Variants in DLGAP1 observed in about 807,000 individuals in gnomAD.
DLGAP1 encodes the protein DLG associated protein 1.
A neutral mutation model predicts 90.8 loss-of-function variants in DLGAP1; 11 were observed. That is an observed-to-expected ratio of 0.12 (90% CI 0.08 to 0.20). The LOEUF (loss-of-function observed/expected upper bound fraction) is 0.20. Among genes scored for constraint, DLGAP1 ranks in the 10% least tolerant of loss-of-function variants. The probability of loss-of-function intolerance (pLI) is 1.00; values close to 1 mark genes in which losing one functional copy is unlikely to be tolerated. For missense variants in DLGAP1, 1,050 were observed against 1,333.8 expected, an observed-to-expected ratio of 0.79 and a Z score of 3.31; for synonymous variants, 558 against 540.7, an observed-to-expected ratio of 1.03 and a Z score of -0.44.
intron 7 of DLGAP1, among the ~76,000 whole-genome samples, chr18:3,718,270 C>A (rs1007032735): frequency 6.6e-6 from 1 of 151,754 alleles, no homozygotes; most frequent in Non-Finnish European, 1.5e-5. Flanking sequence ...ACCAGCCTGG[C>A]CAAGATGGTG....
rs192904868 is a variant in DLGAP1 at position 3,920,251 on chromosome 18, G to A, written c.-72-40111C>T. Among the ~76,000 whole-genome samples, 7 of 150,430 alleles carry A rather than the reference G, an allele frequency of 4.7e-5. No individual in the cohort carries two copies. In the East Asian group the frequency reaches 6.0e-4, roughly 13 times the overall value. On this transcript the variant is annotated intron_variant, in intron 3 of 12. Coordinates refer to ENST00000315677, the MANE Select transcript of DLGAP1 (RefSeq NM_004746.4). ...CTAGCTACTCAGGAGGCTGAGGCAC[G>A]AGAATCGCTTGAACCTGGGAAGCAG...
At chr18:3,535,719 A>G (rs1471386134) in intron 9 of DLGAP1, among the ~76,000 whole-genome samples, 1 of 148,500 alleles carries the variant, frequency 6.7e-6, no homozygotes, top group African/African-American at 2.5e-5. Context: ...AAAAAAAAAA[A>G]GAAGAAAAGA....
rs553727326 is a variant in DLGAP1 at position 3,708,066 on chromosome 18, C to T, written c.1591+21069G>A. 6.7e-5 allele frequency among the ~76,000 whole-genome samples: 10 copies of T among 150,314 alleles called. No individual in the cohort carries two copies. In the South Asian group the frequency reaches 8.4e-4, roughly 13 times the overall value. ...TGTCACCCAGGCTGGAGTGCAGTGG[C>T]GTGACCCCAGCTCACTGCAACCTCC... On this transcript the variant is annotated intron_variant, in intron 7 of 12. Coordinates refer to ENST00000315677, the MANE Select transcript of DLGAP1 (RefSeq NM_004746.4).
chr18:3,999,208 G>T (rs2074130697), intron 3 of DLGAP1, among the ~76,000 whole-genome samples: 2 of 151,580 alleles, frequency 1.3e-5, no homozygotes, highest in African/African-American at 2.4e-5. Flanking sequence ...ATATATATTT[G>T]TATTTTTTAT....
At chr18:3,543,624 T>C (rs2144665831) in intron 9 of DLGAP1, among the ~76,000 whole-genome samples, 1 of 152,338 alleles carries the variant, frequency 6.6e-6, no homozygotes, top group African/African-American at 2.4e-5. Context: ...GAACTTACTA[T>C]ATTATCTGAA....
chr18:4,219,545 A>G (rs887978174), intron 1 of DLGAP1, among the ~76,000 whole-genome samples: 1 of 151,954 alleles, frequency 6.6e-6, no homozygotes, highest in African/African-American at 2.4e-5. Flanking sequence ...CTAAAAAATC[A>G]CTGCCCAGAC....
At chr18:4,197,199 A>AAAAAAAAAAG (rs1555760526) in intron 1 of DLGAP1, among the ~76,000 whole-genome samples, 4,563 of 143,922 alleles carry the variant, frequency 0.032, 164 homozygotes, top group East Asian at 0.13. Flanking sequence ...AAAAAAAAAA[A>AAAAAAAAAAG]AAAAAAAAAG....
Position 4,159,666 on chromosome 18 carries a change from A to G in DLGAP1, c.-266-8379T>C, listed in dbSNP as rs190421883. Reference sequence around the variant, plus strand: ...TACTATACAAATGTGGGTTGAATGTAAAAAAAAATGAAGTAATGTGTACTC... The same window carrying G: ...TACTATACAAATGTGGGTTGAATGTGAAAAAAAATGAAGTAATGTGTACTC... On this transcript the variant is annotated intron_variant, in intron 1 of 12. Coordinates refer to ENST00000315677, the MANE Select transcript of DLGAP1 (RefSeq NM_004746.4). 7.3e-5 allele frequency among the ~76,000 whole-genome samples: 11 copies of G among 151,580 alleles called. No homozygotes were observed. In the East Asian group the frequency reaches 2.1e-3, roughly 29 times the overall value.
intron 4 of DLGAP1, among the ~76,000 whole-genome samples, chr18:3,852,714 A>G (rs1484627213): frequency 6.6e-6 from 1 of 152,138 alleles, no homozygotes; most frequent in Non-Finnish European, 1.5e-5. Context: ...TGGCTGTTGA[A>G]TATTTGGAAA....
intron 1 of DLGAP1, among the ~76,000 whole-genome samples, chr18:4,173,370 C>T (rs1303833184): frequency 6.6e-6 from 1 of 152,154 alleles, no homozygotes; most frequent in Non-Finnish European, 1.5e-5. Flanking sequence ...AGGTAGACTT[C>T]TGAACTTGTT....
At chr18:4,296,113 C>G (rs942462564) in intron 1 of DLGAP1, among the ~76,000 whole-genome samples, 1 of 152,210 alleles carries the variant, frequency 6.6e-6, no homozygotes, top group Admixed American at 6.5e-5. Context: ...ATACAACATT[C>G]AAGCAACCTT....
intron 1 of DLGAP1, among the ~76,000 whole-genome samples, chr18:4,213,429 A>G (rs1311316907): frequency 1.3e-5 from 2 of 152,168 alleles, no homozygotes; most frequent in Admixed American, 6.6e-5. Context: ...AGTGACAGCA[A>G]GAGTATAAAA....
At chr18:4,365,629 T>C (rs1456406874) in intron 1 of DLGAP1, among the ~76,000 whole-genome samples, 1 of 152,126 alleles carries the variant, frequency 6.6e-6, no homozygotes, top group Non-Finnish European at 1.5e-5. Flanking sequence ...CATATGGATA[T>C]GTGTATGTAC....
At position 3,616,591 on chromosome 18, in the gene DLGAP1, C is replaced by CA. The variant is rs59615387; in HGVS notation, c.1592-34344dup. ...ATGGTGAAACCCCATCTCCACAAAA[C>CA]AAAAAAAAAAAAAATTAGCCTGCTG... On this transcript the variant is annotated intron_variant, in intron 7 of 12. Coordinates refer to ENST00000315677, the MANE Select transcript of DLGAP1 (RefSeq NM_004746.4). 6.5e-3 allele frequency among the ~76,000 whole-genome samples: 833 copies of CA among 127,606 alleles called. 1 individual carries two copies. Among genetic ancestry groups the CA allele is most frequent in the African/African-American group, 6.9e-3 (232 of 33,418 alleles). The allele number at this position is 127,606 out of a possible 152,430, so 83.7% of individuals were successfully genotyped here.
intron 1 of DLGAP1, among the ~76,000 whole-genome samples, chr18:4,380,026 G>C (rs2082084637): frequency 6.6e-6 from 1 of 152,122 alleles, no homozygotes; most frequent in Non-Finnish European, 1.5e-5. Flanking sequence ...AAATAAAATA[G>C]AGCAAGTGAA....
At chr18:4,452,744 G>A (rs1417005771) in intron 1 of DLGAP1, among the ~76,000 whole-genome samples, 1 of 152,118 alleles carries the variant, frequency 6.6e-6, no homozygotes, top group Non-Finnish European at 1.5e-5. Flanking sequence ...GCAGAACAAA[G>A]CTTATGTTGA....
At chr18:4,090,099 AAGAT>A (rs2075752601) in intron 2 of DLGAP1, among the ~76,000 whole-genome samples, 1 of 152,216 alleles carries the variant, frequency 6.6e-6, no homozygotes, top group African/African-American at 2.4e-5. Context: ...AAATTAACTC[AAGAT>A]AGATTAAAGA....
At chr18:3,682,276 T>C (rs957617256) in intron 7 of DLGAP1, among the ~76,000 whole-genome samples, 1 of 152,118 alleles carries the variant, frequency 6.6e-6, no homozygotes, top group Non-Finnish European at 1.5e-5. Context: ...CCATCATGAT[T>C]GTAAGTTTCC....
intron 5 of DLGAP1, among the ~76,000 whole-genome samples, chr18:3,747,282 C>T (rs2063310225): frequency 6.6e-6 from 1 of 152,120 alleles, no homozygotes; most frequent in Non-Finnish European, 1.5e-5. Context: ...TTTGCCAGGT[C>T]AAGGTAATAT....
Sources: gnomAD v4.1 joint callset for allele counts (sites outside exome capture counted in the v4.1 genomes callset) on GRCh38, gnomAD v4.1.1 for gene constraint, MANE v1.5 for transcripts, NCBI Gene and HGNC (gene_info 2026-07-23, HGNC 2026-07-21) for gene names.